The following ADGRG4 variants were observed in gnomAD, a reference collection of about 807,000 sequenced individuals.
The protein encoded by ADGRG4 is G protein-coupled receptor 112.
ADGRG4 carries 122 observed loss-of-function variants against 126.2 expected under a neutral mutation model. The ratio of observed to expected loss-of-function variants is 0.97; its 90% confidence interval spans 0.83 to 1.12. The LOEUF is 1.12. Among genes scored for constraint, ADGRG4 ranks in the 50% most tolerant of loss-of-function variants. The probability of loss-of-function intolerance (pLI) is 0.00; values close to 1 mark genes in which losing one functional copy is unlikely to be tolerated. For synonymous variants in ADGRG4, 943 were observed against 838.7 expected, an observed-to-expected ratio of 1.12 and a Z score of -2.15; for missense variants, 2,481 against 2,251.8, an observed-to-expected ratio of 1.10 and a Z score of -2.06.
intron 13 of ADGRG4, among the ~76,000 whole-genome samples, chrX:136,365,794 C>G (rs754322112): frequency 1.9e-3 from 212 of 112,200 alleles, no homozygotes; most frequent in Non-Finnish European, 2.5e-3. Context: ...ACCTTTATTC[C>G]TAATTTTAGT....
Position 136,363,557 on chromosome X carries a change from A to T in ADGRG4, c.7358A>T (p.Asp2453Val). The T allele has an allele frequency of 8.4e-7, 1 of 1,187,583 alleles. No homozygotes were observed. Among genetic ancestry groups the T allele is most frequent in the Non-Finnish European group, 1.1e-6 (1 of 873,405 alleles). The change falls in exon 13 of 26, where the codon GAC becomes GTC. Residue 2453 changes from aspartate (D) to valine (V), a missense_variant. Physicochemically the swap from Asp to Val is radical, Grantham distance 152. Transcript: ENST00000394143. ...KQCKLLQELP[D>V]KIVDLANITI... The stretch of plus-strand genomic sequence containing the variant: ...TGCAAATTGCTTCAAGAACTTCCTG[A>T]CAAGATTGTGGATCTTGCTAATATT...
chrX:136,405,437 T>A (rs2075400590), intron 22 of ADGRG4, among the ~76,000 whole-genome samples: 1 of 110,793 alleles, frequency 9.0e-6, no homozygotes, highest in Non-Finnish European at 1.9e-5. Flanking sequence ...GACTGACAGG[T>A]TTCTGCATAT....
At chrX:136,321,248 T>C (rs777533557) in intron 4 of ADGRG4, among the ~76,000 whole-genome samples, 6 of 111,868 alleles carry the variant, frequency 5.4e-5, no homozygotes, top group Non-Finnish European at 1.1e-4. Context: ...CATCAATGGA[T>C]AGTTCAGAAA....
rs770215828 is a variant in ADGRG4, at chrX:136,304,189, C to A, written c.-197C>A. 22 of 111,902 alleles carry A rather than the reference C, an allele frequency of 2.0e-4. No individual in the cohort carries two copies. The highest frequency in any genetic ancestry group is 6.8e-4 in the African/African-American group (21 of 30,873). 9.2% of individuals were successfully genotyped at this position (111,902 alleles called of 1,213,427 possible). Reference sequence around the variant, plus strand: ...ATAACCTTCCAGGGAATGGAAGATACCCGTTGAAGCCCTCCCAGGTGACAA... The same window carrying A: ...ATAACCTTCCAGGGAATGGAAGATAACCGTTGAAGCCCTCCCAGGTGACAA... On this transcript the variant is annotated 5_prime_UTR_variant, in exon 2 of 26. An upstream open reading frame in the 5' UTR gains an earlier in-frame stop. Transcript: ENST00000394143.
intron 5 of ADGRG4, among the ~76,000 whole-genome samples, chrX:136,336,458 T>C (rs971288341): frequency 7.1e-5 from 8 of 111,896 alleles, no homozygotes; most frequent in African/African-American, 2.6e-4. Context: ...TTCCCAACTA[T>C]AATTATGGAT....
At chrX:136,304,404 C>T (rs935308645) in intron 2 of ADGRG4, among the ~76,000 whole-genome samples, 197 bp downstream of exon 2, 2 of 112,350 alleles carry the variant, frequency 1.8e-5, no homozygotes, top group Non-Finnish European at 3.8e-5. Context: ...GAGGTTTCCT[C>T]CCACCCAAAA....
At chrX:136,371,162 A>T (rs1182064364) in intron 13 of ADGRG4, among the ~76,000 whole-genome samples, 166 bp from the exon 14 acceptor site, 2 of 112,032 alleles carry the variant, frequency 1.8e-5, no homozygotes, top group East Asian at 2.8e-4. Flanking sequence ...ACTTTCTGGG[A>T]CTACACCTAT....
chrX:136,405,861 A>G lies in ADGRG4; in HGVS notation c.8824A>G (p.Thr2942Ala). ...GATGATCCTGCATGACCTCAAAGGC[A>G]CAATGAGCCTGACATTCTTACTTGG... is the stretch of plus-strand genomic sequence containing the variant. ...RKMILHDLKG[T>A]MSLTFLLGLT... is the part of the protein sequence containing the mutation. Residue 2942 changes from threonine to alanine, a missense_variant, in exon 23 of 26, where the codon ACA becomes GCA. Thr to Ala is a moderately conservative substitution (Grantham distance 58). Transcript: ENST00000394143. 1 of 1,207,830 alleles carries G rather than the reference A, an allele frequency of 8.3e-7. No homozygotes were observed. The highest frequency in any genetic ancestry group is 1.1e-6 in the Non-Finnish European group (1 of 893,551).
Position 136,405,712 on chromosome X carries a change from CTA to C in ADGRG4, c.8677_8678del (p.Ile2893LeufsTer45). On this transcript the variant is annotated frameshift_variant, in exon 23 of 26. Transcript: ENST00000394143. LOFTEE classifies it high-confidence loss of function. The stretch of plus-strand genomic sequence containing the variant: ...TACAGTTGTTGGATTAAAGATGATT[CTA>C]TCTTTTACATCTCAGTGGTGGCTTA... 1 of 1,169,523 alleles carries C rather than the reference CTA, an allele frequency of 8.6e-7. No individual in the cohort carries two copies. Among genetic ancestry groups the C allele is most frequent in the South Asian group, 2.0e-5 (1 of 50,223 alleles).
rs1339594853 is a variant in ADGRG4, at chrX:136,349,647, T to A, written c.5941T>A (p.Ser1981Thr). 8.3e-7 allele frequency: 1 copy of A among 1,210,154 alleles called. No individual in the cohort carries two copies. The highest frequency in any genetic ancestry group is 1.1e-6 in the Non-Finnish European group (1 of 894,513). The stretch of plus-strand genomic sequence containing the variant: ...GCACACATTTGAGAAAATGACCACA[T>A]CTGTAACTCCTGGGACCACACTCCC... ...VKHTFEKMTT[S>T]VTPGTTLPSI... is the part of the protein sequence containing the mutation. Residue 1981 changes from serine (S) to threonine (T), a missense_variant, in exon 6 of 26, where the codon TCT becomes ACT. Transcript: ENST00000394143.
At chrX:136,301,505 A>G (rs1450257319) in intron 1 of ADGRG4, among the ~76,000 whole-genome samples, 3 of 111,940 alleles carry the variant, frequency 2.7e-5, no homozygotes. Flanking sequence ...TCAGATGGGT[A>G]GATTGTAAAA....
chrX:136,380,740 G>C (rs901892477), intron 15 of ADGRG4, among the ~76,000 whole-genome samples: 6 of 101,761 alleles, frequency 5.9e-5, no homozygotes, highest in African/African-American at 1.8e-4. Context: ...TTAAGATGAG[G>C]TCTCTCTGTC....
At chrX:136,372,853 T>A in intron 14 of ADGRG4, 49 bp from the exon 15 acceptor site, 1 of 1,174,293 alleles carries the variant, frequency 8.5e-7, no homozygotes, top group African/African-American at 1.8e-5. Flanking sequence ...GAGGATGGGT[T>A]TTACTTTTAA....
intron 15 of ADGRG4, among the ~76,000 whole-genome samples, chrX:136,383,015 T>C (rs1337087883): frequency 9.1e-6 from 1 of 110,435 alleles, no homozygotes; most frequent in Non-Finnish European, 1.9e-5. Context: ...TTCCTGGAAC[T>C]GTGAATCCTG....
In ADGRG4 at chrX:136,323,011, T is replaced by C. The variant is rs1325471484; in HGVS notation, c.304T>C (p.Tyr102His). Reference protein sequence around the residue: ...LAGDHQQLILYRLGKTFSIRH... With the variant: ...LAGDHQQLILHRLGKTFSIRH... ...AGGAGACCATCAGCAGCTAATACTA[T>C]ACAGATTGGGAAAGACCTTTTCTAT... The change falls in exon 5 of 26, where the codon TAC becomes CAC. Residue 102 changes from tyrosine to histidine, a missense_variant. Physicochemically the swap from Tyr to His is moderately conservative, Grantham distance 83. Coordinates refer to ENST00000394143, the MANE Select transcript of ADGRG4 (RefSeq NM_153834.4). 8.3e-7 allele frequency: 1 copy of C among 1,210,223 alleles called. No homozygotes were observed.
chrX:136,397,839 G>T (rs1029931626), intron 19 of ADGRG4, 42 bp from the exon 20 acceptor site: 16 of 1,175,352 alleles, frequency 1.4e-5, no homozygotes, highest in Non-Finnish European at 1.8e-5. Flanking sequence ...CCATAAACTT[G>T]CTCTGGTGTA....
At chrX:136,312,658 G>A (rs1332204613) in intron 4 of ADGRG4, among the ~76,000 whole-genome samples, 4 of 111,347 alleles carry the variant, frequency 3.6e-5, no homozygotes, top group African/African-American at 1.3e-4. Flanking sequence ...AAAATAAACA[G>A]CTTTACTGAA....
intron 16 of ADGRG4, among the ~76,000 whole-genome samples, chrX:136,391,956 G>A (rs2075321788): frequency 8.9e-6 from 1 of 112,516 alleles, no homozygotes; most frequent in East Asian, 2.8e-4. Flanking sequence ...TTTGTTGCTA[G>A]TGCAGTACTG....
At chrX:136,362,924 G>T (rs891879231) in intron 12 of ADGRG4, among the ~76,000 whole-genome samples, 2 of 111,506 alleles carry the variant, frequency 1.8e-5, no homozygotes. Flanking sequence ...GCCCCACCCT[G>T]TTTGTGTGTG....
Sources: allele counts gnomAD v4.1 joint callset (sites outside exome capture counted in the v4.1 genomes callset), GRCh38; gene constraint gnomAD v4.1.1; transcripts MANE v1.5; gene names NCBI Gene and HGNC (gene_info 2026-07-23, HGNC 2026-07-21).